The following PCDH15 variants were observed in gnomAD, a reference collection of about 807,000 sequenced individuals.
PCDH15 encodes protocadherin related 15.
Under a neutral mutation model 178.5 loss-of-function variants are expected in PCDH15, and 129 were observed. The ratio of observed to expected loss-of-function variants is 0.72; its 90% CI spans 0.63 to 0.84. PCDH15 has a LOEUF of 0.84. Ranked by LOEUF, PCDH15 falls within the 40% of genes least tolerant of loss-of-function variation. The pLI, the probability that PCDH15 is intolerant of heterozygous loss-of-function variation, is 0.00. For missense variants in PCDH15, 2,230 were observed against 2,099.9 expected (o/e 1.06, Z -1.21); for synonymous variants, 800 against 732.0 (o/e 1.09, Z -1.50).
chr10:54,461,709 A>G (rs1166487950), intron 3 of PCDH15, among the ~76,000 whole-genome samples: 1 of 152,148 alleles, frequency 6.6e-6, no homozygotes, highest in Non-Finnish European at 1.5e-5. Context: ...CCTCACCTGT[A>G]AAATGAAACC....
chr10:55,335,888 C>T (rs968339651), intron 2 of PCDH15, among the ~76,000 whole-genome samples: 9 of 151,992 alleles, frequency 5.9e-5, no homozygotes. Flanking sequence ...AAAGCAGACG[C>T]CTTAGTCTTT....
chr10:53,892,191 A>C (rs980364449), intron 26 of PCDH15, among the ~76,000 whole-genome samples: 1 of 151,548 alleles, frequency 6.6e-6, no homozygotes, highest in Admixed American at 6.6e-5. Context: ...CACCCGGCTA[A>C]TTTTTTGTAG....
At chr10:54,973,489 A>G (rs988078553) in intron 2 of PCDH15, among the ~76,000 whole-genome samples, 1 of 152,204 alleles carries the variant, frequency 6.6e-6, no homozygotes, top group Non-Finnish European at 1.5e-5. Context: ...TTGTGCAGTT[A>G]GCTCTTAAGG....
At chr10:55,146,135 T>C (rs1310056023) in intron 2 of PCDH15, among the ~76,000 whole-genome samples, 1 of 152,048 alleles carries the variant, frequency 6.6e-6, no homozygotes, top group Non-Finnish European at 1.5e-5. Context: ...ATACCTTTTG[T>C]ACTTATTAAC....
chr10:54,163,525 C>A (rs2045921755), intron 13 of PCDH15, among the ~76,000 whole-genome samples: 1 of 152,032 alleles, frequency 6.6e-6, no homozygotes, highest in Admixed American at 6.6e-5. Flanking sequence ...AATCCAATTA[C>A]CTTCCACTAG....
chr10:54,368,838 C>T (rs1247365220), intron 5 of PCDH15, among the ~76,000 whole-genome samples: 2 of 151,646 alleles, frequency 1.3e-5, no homozygotes, highest in African/African-American at 2.4e-5. Context: ...CGTGTTATGC[C>T]TAAGTAAGCA....
At chr10:55,022,962 T>C (rs1840373749) in intron 2 of PCDH15, among the ~76,000 whole-genome samples, 2 of 141,812 alleles carry the variant, frequency 1.4e-5, no homozygotes, top group African/African-American at 5.3e-5. Flanking sequence ...ATTTTTTTGA[T>C]AAGGAGTCTT....
In PCDH15 at chr10:53,827,425, C is replaced by A. The variant is rs570557379; in HGVS notation, c.4335G>T (p.Ala1445=). 1.9e-6 allele frequency: 3 copies of A among 1,613,082 alleles called. No homozygotes were observed. The highest frequency in any genetic ancestry group is 2.7e-5 in the African/African-American group (2 of 75,030). Residue 1445 remains alanine, a synonymous_variant, in exon 32 of 38, where the codon GCG becomes GCT. Coordinates refer to ENST00000644397, the MANE Select transcript of PCDH15 (RefSeq NM_001384140.1). ...TGTCTCCAAGTTCTTCATAGAGATG[C>A]GCACCTGGCGGAGGCGGCGGCGGCG... The part of the protein sequence containing the change: ...PPPPPPPPPG[A]HLYEELGDSS...
intron 20 of PCDH15, among the ~76,000 whole-genome samples, chr10:54,011,956 G>T (rs1411572560): frequency 6.6e-6 from 1 of 152,140 alleles, no homozygotes; most frequent in African/African-American, 2.4e-5. Flanking sequence ...TGAAATGAAA[G>T]AAATAGAATT....
intron 2 of PCDH15, among the ~76,000 whole-genome samples, chr10:55,138,374 C>T (rs1424121148): frequency 1.3e-5 from 2 of 152,066 alleles, no homozygotes; most frequent in African/African-American, 4.8e-5. Context: ...AAATAGTTGT[C>T]AAGTATAACA....
chr10:55,148,134 T>C (rs1838583577), intron 2 of PCDH15, among the ~76,000 whole-genome samples: 1 of 151,760 alleles, frequency 6.6e-6, no homozygotes, highest in South Asian at 2.1e-4. Flanking sequence ...CTACTTCCAC[T>C]ATCACATAGT....
At chr10:54,124,902 A>G (rs1343961978) in intron 15 of PCDH15, among the ~76,000 whole-genome samples, 2 of 152,224 alleles carry the variant, frequency 1.3e-5, no homozygotes, top group African/African-American at 4.8e-5. Flanking sequence ...GTCATGCTGT[A>G]AGACAGCTTG....
At chr10:54,376,206 T>C (rs1948405790) in intron 4 of PCDH15, among the ~76,000 whole-genome samples, 1 of 151,952 alleles carries the variant, frequency 6.6e-6, no homozygotes, top group African/African-American at 2.4e-5. Flanking sequence ...ATATTTTTTA[T>C]TTTGATTCAT....
chr10:54,008,355 T>C (rs142258785), intron 20 of PCDH15, among the ~76,000 whole-genome samples: 313 of 152,264 alleles, frequency 2.1e-3, no homozygotes, highest in Middle Eastern at 3.4e-3. Context: ...GAATAAATTA[T>C]CTTCCAGCTG....
At chr10:54,529,463 A>G (rs1375055825) in intron 2 of PCDH15, among the ~76,000 whole-genome samples, 1 of 152,114 alleles carries the variant, frequency 6.6e-6, no homozygotes, top group East Asian at 1.9e-4. Context: ...AAATAATAGC[A>G]TTCCTCTGAA....
rs146070132 is a variant in PCDH15, at chr10:55,265,311, G to GATATATATATATATATATATATATATAT, written c.-156+54287_-156+54288insATATATATATATATATATATATATATAT. 1.5e-3 allele frequency among the ~76,000 whole-genome samples: 215 copies of GATATATATATATATATATATATATATAT among 144,102 alleles called. 3 individuals are homozygous for GATATATATATATATATATATATATATAT. Among genetic ancestry groups the GATATATATATATATATATATATATATAT allele is most frequent in the African/African-American group, 5.4e-3 (201 of 37,392 alleles). The allele number at this position is 144,102 out of a possible 152,430, so 94.5% of individuals were successfully genotyped here. A position where few individuals can be genotyped will look rare whatever the true frequency, so the allele number is the denominator to read the frequency against. ...GATAGATATAGAGATGTATCTCTATGATATATATATATATATAGACATAGA... is the reference window on the plus strand; with the variant it reads ...GATAGATATAGAGATGTATCTCTATGATATATATATATATATATATATATATATATATATATATATATATAGACATAGA... On this transcript the variant is annotated intron_variant, in intron 1 of 5. Coordinates refer to the PCDH15 transcript ENST00000458638.
chr10:54,728,891 G>T (rs1447759708), intron 1 of PCDH15, among the ~76,000 whole-genome samples: 1 of 151,270 alleles, frequency 6.6e-6, no homozygotes, highest in Non-Finnish European at 1.5e-5. Context: ...TTTACAATTA[G>T]AATTATAAAA....
chr10:54,424,866 G>T (rs1266670654), intron 3 of PCDH15, among the ~76,000 whole-genome samples: 1 of 127,060 alleles, frequency 7.9e-6, no homozygotes, highest in East Asian at 2.8e-4. Flanking sequence ...TCAAGCGGTG[G>T]GGGGAGGGGG....
chr10:54,622,856 C>G (rs1010787528), intron 2 of PCDH15, among the ~76,000 whole-genome samples: 1 of 142,500 alleles, frequency 7.0e-6, no homozygotes, highest in Non-Finnish European at 1.5e-5. Flanking sequence ...CTTTCTGTTT[C>G]TATTGCCATC....
Sources: gnomAD v4.1 joint callset for allele counts (sites outside exome capture counted in the v4.1 genomes callset) on GRCh38, gnomAD v4.1.1 for gene constraint, MANE v1.5 for transcripts, NCBI Gene and HGNC (gene_info 2026-07-23, HGNC 2026-07-21) for gene names.